CATSPERE: variants seen among roughly 807,000 people sequenced by gnomAD.
CATSPERE encodes cation channel sperm-associated auxiliary subunit epsilon.
Under a neutral mutation model 114.1 loss-of-function variants are expected in CATSPERE, and 93 were observed. That is an observed-to-expected ratio of 0.81 (90% CI 0.69 to 0.97). The LOEUF (loss-of-function observed/expected upper bound fraction) is 0.97, where lower values mean the gene tolerates loss of function less well. Ranked by LOEUF, CATSPERE falls within the 50% of genes least tolerant of loss-of-function variation. CATSPERE has a pLI of 0.00. For missense variants in CATSPERE, 1,058 were observed against 1,131.6 expected, an observed-to-expected ratio of 0.93 and a Z score of 0.93; for synonymous variants, 341 against 384.1, an observed-to-expected ratio of 0.89 and a Z score of 1.31.
intron 20 of CATSPERE, among the ~76,000 whole-genome samples, chr1:244,631,797 A>G (rs185452713): frequency 7.9e-5 from 12 of 152,368 alleles, no homozygotes; most frequent in African/African-American, 2.9e-4. Context: ...CACTGACAAT[A>G]TCAAATCTGA....
At chr1:244,490,176 G>A (rs563428488) in intron 5 of CATSPERE, among the ~76,000 whole-genome samples, 26 of 152,164 alleles carry the variant, frequency 1.7e-4, no homozygotes, top group African/African-American at 5.3e-4. Context: ...TAATCTTAGC[G>A]TGAGCGGTTT....
At chr1:244,463,029 C>T (rs1667053042) in intron 1 of CATSPERE, among the ~76,000 whole-genome samples, 1 of 151,952 alleles carries the variant, frequency 6.6e-6, no homozygotes, top group Non-Finnish European at 1.5e-5. Context: ...AAATATAGCC[C>T]AAATTGAGAT....
chr1:244,538,674 C>T (rs1038268124), intron 8 of CATSPERE, among the ~76,000 whole-genome samples: 2 of 152,164 alleles, frequency 1.3e-5, no homozygotes, highest in Non-Finnish European at 2.9e-5. Flanking sequence ...CTACACAGTG[C>T]CACACACAGA....
intron 19 of CATSPERE, among the ~76,000 whole-genome samples, chr1:244,610,952 C>G (rs568675750): frequency 1.3e-5 from 2 of 152,004 alleles, no homozygotes; most frequent in African/African-American, 4.8e-5. Context: ...GTAGAGACGG[C>G]ATTTCACCAT....
intron 7 of CATSPERE, among the ~76,000 whole-genome samples, chr1:244,510,117 G>A (rs1359444125): frequency 6.6e-6 from 1 of 151,306 alleles, no homozygotes; most frequent in African/African-American, 2.4e-5. Context: ...TACTAATTTT[G>A]GGTTTGATTT....
chr1:244,520,492 C>T (rs976399582), intron 8 of CATSPERE, among the ~76,000 whole-genome samples: 1 of 152,098 alleles, frequency 6.6e-6, no homozygotes. Context: ...TTCCATTGCC[C>T]TACATATTCA....
In CATSPERE at chr1:244,552,483, C is replaced by T. The variant is rs1481593243; in HGVS notation, c.698C>T (p.Ser233Leu). 1 of 1,614,176 alleles carries T rather than the reference C, an allele frequency of 6.2e-7. No homozygotes were observed. Among genetic ancestry groups the T allele is most frequent in the Non-Finnish European group, 8.5e-7 (1 of 1,180,034 alleles). Residue 233 changes from serine (S) to leucine (L), a missense_variant, in exon 9 of 22, where the codon TCA (serine) becomes TTA (leucine). This residue lies in a region of CATSPERE where 787 missense variants were observed against 905.6 expected (regional missense o/e 0.87). Coordinates refer to ENST00000366534, the MANE Select transcript of CATSPERE (RefSeq NM_001130957.2). ...ATTCCTGGTTATTTACCAATCTCCT[C>T]ACCACGTGGTAGTCAATTAATGGCT... ...PEIPGYLPIS[S>L]PRGSQLMASW...
intron 18 of CATSPERE, among the ~76,000 whole-genome samples, chr1:244,608,914 C>T (rs1252963059): frequency 1.3e-5 from 2 of 152,034 alleles, no homozygotes; most frequent in African/African-American, 2.4e-5. Flanking sequence ...TATCTTGGAG[C>T]TGATCACTTT....
At position 244,640,200 on chromosome 1, in the gene CATSPERE, C is replaced by T; in HGVS notation, c.*119C>T. 1.5e-6 allele frequency: 1 copy of T among 668,370 alleles called. No individual in the cohort carries two copies. The highest frequency in any genetic ancestry group is 2.4e-6 in the Non-Finnish European group (1 of 418,290). The allele number at this position is 668,370 out of a possible 1,614,324, so 41.4% of individuals were successfully genotyped here. A position where few individuals can be genotyped will look rare whatever the true frequency, so the allele number is the denominator to read the frequency against. On this transcript the variant is annotated 3_prime_UTR_variant, in exon 22 of 22. Transcript: ENST00000366534. ...CTAAATATAAGCTCGTAGTAGGCAT[C>T]ACCAAATTCAAGATCTGAAAAATAT... is the stretch of plus-strand genomic sequence containing the variant.
chr1:244,453,832 C>A (rs1044185919), upstream of CATSPERE, among the ~76,000 whole-genome samples: 1 of 151,868 alleles, frequency 6.6e-6, no homozygotes, highest in African/African-American at 2.4e-5. Context: ...GTTCTGTAGC[C>A]CTATGGTGAG....
chr1:244,625,364 T>G (rs1172391420), intron 20 of CATSPERE, among the ~76,000 whole-genome samples: 20 of 10,124 alleles, frequency 2.0e-3, no homozygotes, highest in Middle Eastern at 0.071. Flanking sequence ...GGGGGGTTTA[T>G]TTATTTATTT....
chr1:244,623,626 T>C (rs1475897624), intron 20 of CATSPERE, among the ~76,000 whole-genome samples: 1 of 152,140 alleles, frequency 6.6e-6, no homozygotes, highest in Non-Finnish European at 1.5e-5. Context: ...TTTGGTTGGT[T>C]GCTGCCACTA....
intron 8 of CATSPERE, among the ~76,000 whole-genome samples, chr1:244,546,873 G>T (rs1363761703): frequency 6.6e-6 from 1 of 152,026 alleles, no homozygotes; most frequent in Non-Finnish European, 1.5e-5. Flanking sequence ...ACGTCATTGG[G>T]GTTTAAGAGG....
Position 244,635,618 on chromosome 1 carries a change from C to T in CATSPERE, c.2702+76C>T, listed in dbSNP as rs1407424905. ...AATGGCAGCTAAGAAGGAAAAGCAC[C>T]TCTCCCCCGTGTCTCCCAGAAGCAG... is the stretch of plus-strand genomic sequence containing the variant. On this transcript the variant is annotated intron_variant, in intron 21 of 21. Coordinates refer to ENST00000366534, the MANE Select transcript of CATSPERE (RefSeq NM_001130957.2). The T allele has an allele frequency of 4.4e-6, 5 of 1,133,932 alleles. No homozygotes were observed. In the East Asian group the frequency reaches 7.2e-5, roughly 16 times the overall value. The allele number at this position is 1,133,932 out of a possible 1,614,324, so 70.2% of individuals were successfully genotyped here. A position where few individuals can be genotyped will look rare whatever the true frequency, so the allele number is the denominator to read the frequency against.
chr1:244,468,489 C>A (rs1158984797), intron 2 of CATSPERE, among the ~76,000 whole-genome samples: 2 of 152,002 alleles, frequency 1.3e-5, no homozygotes, highest in Admixed American at 1.3e-4. Flanking sequence ...CATAAATGAC[C>A]ACCAAAACAG....
At chr1:244,622,887 C>T (rs577837367) in intron 20 of CATSPERE, among the ~76,000 whole-genome samples, 1 of 152,152 alleles carries the variant, frequency 6.6e-6, no homozygotes, top group South Asian at 2.1e-4. Context: ...AGCACTTCTG[C>T]GAGTAAAATA....
intron 5 of CATSPERE, among the ~76,000 whole-genome samples, chr1:244,486,497 G>A (rs1032062698): frequency 2.1e-5 from 3 of 145,318 alleles, no homozygotes; most frequent in African/African-American, 7.7e-5. Context: ...TGGGGTACTC[G>A]TGGGCCAGGT....
In CATSPERE at chr1:244,564,265, G is replaced by A. The variant is rs1202253761; in HGVS notation, c.1507+3120G>A. Among the ~76,000 whole-genome samples, 3 of 152,240 alleles carry A rather than the reference G, an allele frequency of 2.0e-5. No individual in the cohort carries two copies. In the East Asian group the frequency reaches 5.8e-4, roughly 29 times the overall value. On this transcript the variant is annotated intron_variant, in intron 10 of 21. Transcript: ENST00000366534. ...TTTTTGGTTCCATATGAAATTTAAA[G>A]TAGTTTTTTCTAATTCTGTGAAGAA... is the stretch of plus-strand genomic sequence containing the variant.
At chr1:244,512,749 T>A (rs1474564708) in intron 7 of CATSPERE, among the ~76,000 whole-genome samples, 2 of 152,238 alleles carry the variant, frequency 1.3e-5, no homozygotes, top group East Asian at 1.9e-4. Flanking sequence ...CATTTTCCTT[T>A]GGATATTTCT....
Sources: allele counts gnomAD v4.1 joint callset (sites outside exome capture counted in the v4.1 genomes callset), GRCh38; gene constraint gnomAD v4.1.1; regional missense constraint gnomAD v4.1.1; transcripts MANE v1.5; gene names NCBI Gene and HGNC (gene_info 2026-07-23, HGNC 2026-07-21).